Variants in PTGER3 observed in about 807,000 individuals in gnomAD.
PTGER3 encodes the protein prostaglandin E2 receptor EP3 subtype.
A neutral mutation model predicts 34.7 loss-of-function variants in PTGER3; 22 were observed. The observed-to-expected ratio is 0.63, with a 90% CI of 0.45 to 0.91. The LOEUF is 0.91. PTGER3 is among the 40% of genes least tolerant of loss of function. PTGER3 has a pLI of 0.00. For missense variants in PTGER3, 468 were observed against 519.4 expected, an observed-to-expected ratio of 0.90 and a Z score of 0.96; for synonymous variants, 241 against 230.1, an observed-to-expected ratio of 1.05 and a Z score of -0.43.
intron 2 of PTGER3, among the ~76,000 whole-genome samples, chr1:70,980,823 G>T (rs1305476100): frequency 6.6e-6 from 1 of 152,014 alleles, no homozygotes; most frequent in East Asian, 1.9e-4. Context: ...ACTTCTGAAG[G>T]GGCAACTACA....
At chr1:71,001,205 AAAG>A (rs1656453767) in intron 2 of PTGER3, among the ~76,000 whole-genome samples, 1 of 151,980 alleles carries the variant, frequency 6.6e-6, no homozygotes, top group Non-Finnish European at 1.5e-5. Flanking sequence ...AAACTTAAGA[AAAG>A]AAATACACAT....
intron 4 of PTGER3, among the ~76,000 whole-genome samples, chr1:70,874,822 G>GTT (rs35816348): frequency 3.4e-5 from 5 of 148,762 alleles, no homozygotes; most frequent in African/African-American, 9.8e-5. Flanking sequence ...TTCATTTTAT[G>GTT]TTTTTTTTTT....
chr1:70,974,225 G>C, intron 3 of PTGER3, 72 bp downstream of exon 3: 3 of 1,572,188 alleles, frequency 1.9e-6, no homozygotes, highest in Non-Finnish European at 2.6e-6. Flanking sequence ...TGCCTTTGTA[G>C]CATCAACTCC....
chr1:71,027,477 G>C (rs1170287278), intron 1 of PTGER3, among the ~76,000 whole-genome samples: 3 of 152,148 alleles, frequency 2.0e-5, no homozygotes, highest in Non-Finnish European at 4.4e-5. Flanking sequence ...AGGCGAAGTA[G>C]ATATTTTCAG....
At chr1:70,899,074 T>C (rs1208949428) in intron 4 of PTGER3, among the ~76,000 whole-genome samples, 2 of 152,164 alleles carry the variant, frequency 1.3e-5, no homozygotes, top group Non-Finnish European at 2.9e-5. Context: ...GGATTGGATT[T>C]GTTGCTGAAA....
chr1:70,953,664 C>G, intron 3 of PTGER3: 1 of 1,500,452 alleles, frequency 6.7e-7, no homozygotes, highest in Non-Finnish European at 8.9e-7. Flanking sequence ...AAAACACGAA[C>G]TTTCAATTTA....
At chr1:70,994,583 G>C (rs1229836738) in intron 2 of PTGER3, among the ~76,000 whole-genome samples, 2 of 151,804 alleles carry the variant, frequency 1.3e-5, no homozygotes, top group African/African-American at 4.8e-5. Flanking sequence ...TCAGCCTCCG[G>C]AGTAGCTGGG....
At chr1:70,970,004 C>T (rs1233950423), downstream of PTGER3, among the ~76,000 whole-genome samples, 5 of 149,460 alleles carry the variant, frequency 3.3e-5, no homozygotes, top group East Asian at 5.9e-4. Flanking sequence ...TTGTGAGTGG[C>T]ACAGCCAGAT....
intron 4 of PTGER3, among the ~76,000 whole-genome samples, chr1:70,903,621 T>A (rs1646885616): frequency 1.3e-5 from 2 of 152,164 alleles, no homozygotes; most frequent in South Asian, 4.1e-4. Context: ...AATGAATCAG[T>A]CCTCAGAGCT....
chr1:70,966,268 G>C (rs1652502575), downstream of PTGER3, among the ~76,000 whole-genome samples: 1 of 152,128 alleles, frequency 6.6e-6, no homozygotes, highest in Admixed American at 6.6e-5. Flanking sequence ...AAATTAGATA[G>C]CTGGCTAAAA....
At chr1:71,042,906 T>A (rs2101000483) in intron 1 of PTGER3, among the ~76,000 whole-genome samples, 1 of 152,324 alleles carries the variant, frequency 6.6e-6, no homozygotes, top group East Asian at 1.9e-4. Context: ...GCTGCTTTTA[T>A]CCAGTTCCAA....
At chr1:70,897,306 C>G (rs996895975) in intron 4 of PTGER3, among the ~76,000 whole-genome samples, 4 of 152,168 alleles carry the variant, frequency 2.6e-5, no homozygotes, top group African/African-American at 9.6e-5. Context: ...GCAATCCATT[C>G]ACTCATTTAT....
At chr1:70,871,875 T>C (rs1471586057) in intron 4 of PTGER3, among the ~76,000 whole-genome samples, 1 of 152,176 alleles carries the variant, frequency 6.6e-6, no homozygotes, top group Non-Finnish European at 1.5e-5. Context: ...CAAGGTGCTA[T>C]TTTAGCTTAC....
At chr1:70,957,088 A>G (rs569558876) in intron 2 of PTGER3, among the ~76,000 whole-genome samples, 1 of 152,302 alleles carries the variant, frequency 6.6e-6, no homozygotes, top group East Asian at 1.9e-4. Context: ...ATCCCCAAAT[A>G]AGAAAGTCTG....
intron 1 of PTGER3, among the ~76,000 whole-genome samples, chr1:71,038,884 G>A (rs1409640162): frequency 6.6e-6 from 1 of 152,196 alleles, no homozygotes; most frequent in Non-Finnish European, 1.5e-5. Flanking sequence ...AAAAGATGAA[G>A]ACAACTGAGG....
At chr1:70,965,137 A>T (rs1335956647) in intron 2 of PTGER3, among the ~76,000 whole-genome samples, 1 of 152,180 alleles carries the variant, frequency 6.6e-6, no homozygotes, top group Non-Finnish European at 1.5e-5. Context: ...GCAGGTAGGC[A>T]TTGCTGTAAA....
chr1:71,013,077 T>C (rs1208275189), intron 1 of PTGER3, among the ~76,000 whole-genome samples: 7 of 152,112 alleles, frequency 4.6e-5, no homozygotes, highest in African/African-American at 1.7e-4. Flanking sequence ...ACTAATACCA[T>C]ATGATGTACA....
chr1:70,957,760 G>A (rs1359356658), intron 2 of PTGER3, among the ~76,000 whole-genome samples: 1 of 151,976 alleles, frequency 6.6e-6, no homozygotes, highest in Non-Finnish European at 1.5e-5. Context: ...TTTTTCTATA[G>A]TCACTGTATT....
At chr1:70,939,673 C>T (rs1272566657) in intron 4 of PTGER3, among the ~76,000 whole-genome samples, 1 of 152,234 alleles carries the variant, frequency 6.6e-6, no homozygotes, top group Non-Finnish European at 1.5e-5. Context: ...GGCTTCCACC[C>T]TCTGAAGCCA....
Sources: allele counts gnomAD v4.1 joint callset (sites outside exome capture counted in the v4.1 genomes callset), GRCh38; gene constraint gnomAD v4.1.1; transcripts MANE v1.5; gene names NCBI Gene and HGNC (gene_info 2026-07-23, HGNC 2026-07-21).